LHX2: variants seen among roughly 807,000 people sequenced by gnomAD.
The protein encoded by LHX2 is LIM/homeobox protein Lhx2.
In LHX2, 6 loss-of-function variants were observed where a neutral mutation model predicts 33.0. The ratio of observed to expected loss-of-function variants is 0.18; its 90% CI spans 0.10 to 0.36. The LOEUF (loss-of-function observed/expected upper bound fraction) is 0.36, where lower values mean the gene tolerates loss of function less well. Ranked by LOEUF, LHX2 falls within the 10% of genes least tolerant of loss-of-function variation. The pLI, the probability that LHX2 is intolerant of heterozygous loss-of-function variation, is 1.00. For synonymous variants in LHX2, 292 were observed against 253.1 expected, an observed-to-expected ratio of 1.15 and a Z score of -1.46; for missense variants, 442 against 586.2, an observed-to-expected ratio of 0.75 and a Z score of 2.54.
rs1003758703 is a variant in LHX2, at chr9:124,016,710, G to A, written c.727+1185G>A. Among the ~76,000 whole-genome samples, 1 of 152,188 alleles carries A rather than the reference G, an allele frequency of 6.6e-6. No individual in the cohort carries two copies. The highest frequency in any genetic ancestry group is 1.5e-5 in the Non-Finnish European group (1 of 68,032). On this transcript the variant is annotated intron_variant, in intron 3 of 4. Coordinates refer to ENST00000373615, the MANE Select transcript of LHX2 (RefSeq NM_004789.4). This position sits in a 1 kb window ranked among gnomAD's most constrained non-coding sequence, Gnocchi z 4.4. ...GATCATGGGGCGTGTGTCCCTGTGT[G>A]CGGAACTGGGAGGAAAACGCAGCCC...
intron 4 of LHX2, among the ~76,000 whole-genome samples, chr9:124,022,398 A>G (rs764409818): frequency 6.6e-6 from 1 of 152,248 alleles, no homozygotes; most frequent in Non-Finnish European, 1.5e-5. Context: ...GGTAGTGGAC[A>G]TCAGTTTCCC....
Position 124,014,251 on chromosome 9 carries a change from T to C in LHX2, c.323+88T>C. ...GTTTGGCCCTCTCCTTTCCGTTTAG[T>C]CCCAGGAGAGGGTTCACTACTCAGG... On this transcript the variant is annotated intron_variant, in intron 2 of 4. Transcript: ENST00000373615. The surrounding 1 kb of genome is among the most constrained non-coding windows in gnomAD (Gnocchi z 4.8). The C allele has an allele frequency of 1.2e-6, 1 of 814,420 alleles. No individual in the cohort carries two copies. The highest frequency in any genetic ancestry group is 2.7e-5 in the East Asian group (1 of 37,306). 50.4% of individuals were successfully genotyped at this position (814,420 alleles called of 1,614,324 possible).
chr9:124,030,398 T>C (rs78114721), intron 4 of LHX2, among the ~76,000 whole-genome samples: 2,400 of 152,210 alleles, frequency 0.016, 65 homozygotes, highest in African/African-American at 0.054. Flanking sequence ...CTTTGTTTTA[T>C]GGGGAGGCTT....
intron 4 of LHX2, among the ~76,000 whole-genome samples, chr9:124,029,053 A>G (rs1332148776): frequency 6.6e-6 from 1 of 152,196 alleles, no homozygotes; most frequent in Admixed American, 6.5e-5. Context: ...CAGAGGTTGA[A>G]ATGAGCTGAG....
chr9:124,029,122 A>AATC (rs1170749250), intron 4 of LHX2, among the ~76,000 whole-genome samples: 1 of 151,752 alleles, frequency 6.6e-6, no homozygotes, highest in African/African-American at 2.4e-5. Flanking sequence ...AAAAAATAAT[A>AATC]ATAATAATAA....
Position 124,012,333 on chromosome 9 carries a change from C to G in LHX2, c.-16C>G, listed in dbSNP as rs1859106208. On this transcript the variant is annotated 5_prime_UTR_variant, in exon 1 of 5. Coordinates refer to ENST00000373615, the MANE Select transcript of LHX2 (RefSeq NM_004789.4). The surrounding 1 kb of genome is among the most constrained non-coding windows in gnomAD (Gnocchi z 4.3). ...CTCGGAGGAGCCGCGCCCCCGGCCCCGCCGGTCCCGCCGCGATGCTGTTCC... is the reference window on the plus strand; with the variant it reads ...CTCGGAGGAGCCGCGCCCCCGGCCCGGCCGGTCCCGCCGCGATGCTGTTCC... 1 of 1,490,832 alleles carries G rather than the reference C, an allele frequency of 6.7e-7. No homozygotes were observed. 92.4% of individuals were successfully genotyped at this position (1,490,832 alleles called of 1,614,324 possible). A position where few individuals can be genotyped will look rare whatever the true frequency, so the allele number is the denominator to read the frequency against.
chr9:124,018,544 C>T (rs568857023), intron 3 of LHX2, among the ~76,000 whole-genome samples: 1 of 152,164 alleles, frequency 6.6e-6, no homozygotes, highest in East Asian at 1.9e-4. Flanking sequence ...TTTCTCTACT[C>T]CCCCGCCAAT....
Position 124,031,305 on chromosome 9 carries a change from C to A in LHX2, c.934-1115C>A, listed in dbSNP as rs12341610. 6.3e-3 allele frequency among the ~76,000 whole-genome samples: 960 copies of A among 152,328 alleles called. 12 individuals carry two copies. The highest frequency in any genetic ancestry group is 0.022 in the African/African-American group (907 of 41,562). The stretch of plus-strand genomic sequence containing the variant: ...GGGATAGGTTCCGTGTCTTTCACTT[C>A]CTCTTAGTAACTCATTATTATTGCC... On this transcript the variant is annotated intron_variant, in intron 4 of 4. Transcript: ENST00000373615.
intron 4 of LHX2, among the ~76,000 whole-genome samples, chr9:124,030,428 C>T (rs558778269): frequency 6.6e-5 from 10 of 152,250 alleles, no homozygotes; most frequent in African/African-American, 1.2e-4. Flanking sequence ...GTTTTCCTCA[C>T]GCAAAGGGAA....
chr9:124,015,401 G>A lies in LHX2; in HGVS notation c.603G>A (p.Leu201=), dbSNP rs201206386. Residue 201 remains leucine (L), a synonymous_variant, in exon 3 of 5, where the codon CTG becomes CTA. Coordinates refer to ENST00000373615, the MANE Select transcript of LHX2 (RefSeq NM_004789.4). This position sits in a 1 kb window ranked among gnomAD's most constrained non-coding sequence, Gnocchi z 7.9. The part of the protein sequence containing the change: ...AAAAAAKSAG[L]GAAGANPLGL... The stretch of plus-strand genomic sequence containing the variant: ...CCGCGGCGGCCAAGAGCGCGGGGCT[G>A]GGCGCAGCAGGGGCCAACCCTCTGG... 7.2e-5 allele frequency: 116 copies of A among 1,606,622 alleles called. No individual in the cohort carries two copies. The highest frequency in any genetic ancestry group is 4.7e-4 in the East Asian group (21 of 44,706).
rs978891551 is a variant in LHX2 at position 124,014,291 on chromosome 9, C to G, written c.323+128C>G. On this transcript the variant is annotated intron_variant, in intron 2 of 4. Coordinates refer to ENST00000373615, the MANE Select transcript of LHX2 (RefSeq NM_004789.4). The surrounding 1 kb of genome is among the most constrained non-coding windows in gnomAD (Gnocchi z 4.8). ...CACTACTCAGGACTCCCCCGCTCCC[C>G]CCCCAAGTTCTCCAAGCCACCACAA... 1.6e-6 allele frequency: 1 copy of G among 623,892 alleles called. No homozygotes were observed. The highest frequency in any genetic ancestry group is 2.8e-5 in the East Asian group (1 of 35,112). The allele number at this position is 623,892 out of a possible 1,614,324, so 38.6% of individuals were successfully genotyped here.
rs1859164958 is a variant in LHX2, at chr9:124,015,287, C to T, written c.489C>T (p.Val163=). The T allele has an allele frequency of 1.2e-6, 2 of 1,614,042 alleles. No individual in the cohort carries two copies. The highest frequency in any genetic ancestry group is 1.3e-5 in the African/African-American group (1 of 74,958). ...GDHFGMKDSL[V]YCRLHFEALL... ...ACTTCGGCATGAAGGACAGCCTGGTCTACTGCCGCTTGCACTTCGAGGCGC... is the reference window on the plus strand; with the variant it reads ...ACTTCGGCATGAAGGACAGCCTGGTTTACTGCCGCTTGCACTTCGAGGCGC... Residue 163 remains valine (V), a synonymous_variant, in exon 3 of 5, where the codon GTC becomes GTT. Transcript: ENST00000373615. This position sits in a 1 kb window ranked among gnomAD's most constrained non-coding sequence, Gnocchi z 7.9.
At position 124,012,581 on chromosome 9, in the gene LHX2, C is replaced by T. The variant is rs116289924; in HGVS notation, c.120+113C>T. 1,436 of 1,238,854 alleles carry T rather than the reference C, an allele frequency of 1.2e-3. 16 individuals are homozygous for T. In the African/African-American group the frequency reaches 0.02, roughly 18 times the overall value. The allele number at this position is 1,238,854 out of a possible 1,614,324, so 76.7% of individuals were successfully genotyped here. On this transcript the variant is annotated intron_variant, in intron 1 of 4. Transcript: ENST00000373615. The surrounding 1 kb of genome is among the most constrained non-coding windows in gnomAD (Gnocchi z 4.3). ...CCTTCGTGCCGCACGGGACTGGGTGCTGGGGATCCTCGGTCAGAATGCAAG... is the reference window on the plus strand; with the variant it reads ...CCTTCGTGCCGCACGGGACTGGGTGTTGGGGATCCTCGGTCAGAATGCAAG...
chr9:124,028,285 C>A (rs1476798222), intron 4 of LHX2, among the ~76,000 whole-genome samples: 1 of 152,182 alleles, frequency 6.6e-6, no homozygotes, highest in Non-Finnish European at 1.5e-5. Context: ...CTACCGCGCA[C>A]CAGGCTGGGG....
intron 4 of LHX2, among the ~76,000 whole-genome samples, chr9:124,023,984 A>G (rs767765874): frequency 2.0e-5 from 3 of 152,186 alleles, no homozygotes; most frequent in Admixed American, 1.3e-4. Context: ...CAGAGGCCCA[A>G]ATGATCTCCA....
chr9:124,029,093 C>T (rs1291450193), intron 4 of LHX2, among the ~76,000 whole-genome samples: 1 of 151,926 alleles, frequency 6.6e-6, no homozygotes, highest in Non-Finnish European at 1.5e-5. Context: ...GCCTGGGTGA[C>T]AGAGCAAGAC....
rs1408593813 is a variant in LHX2, at chr9:124,016,943, C to T, written c.727+1418C>T. Among the ~76,000 whole-genome samples the T allele has an allele frequency of 2.0e-5, 3 of 152,208 alleles. No homozygotes were observed. Among genetic ancestry groups the T allele is most frequent in the African/African-American group, 7.2e-5 (3 of 41,446 alleles). ...AAGTGGGTCAACTTCCACTCGGAAG[C>T]ACCTCGCGGGGCTCGGCTCCAGGGC... On this transcript the variant is annotated intron_variant, in intron 3 of 4. Transcript: ENST00000373615. This position sits in a 1 kb window ranked among gnomAD's most constrained non-coding sequence, Gnocchi z 4.4.
chr9:124,029,081 C>T (rs1033387289), intron 4 of LHX2, among the ~76,000 whole-genome samples: 2 of 152,050 alleles, frequency 1.3e-5, no homozygotes, highest in African/African-American at 4.8e-5. Flanking sequence ...CACTGCACTC[C>T]AGCCTGGGTG....
rs1859183328 is a variant in LHX2, at chr9:124,015,994, ACCT to A, written c.727+471_727+473del. On this transcript the variant is annotated intron_variant, in intron 3 of 4. Coordinates refer to ENST00000373615, the MANE Select transcript of LHX2 (RefSeq NM_004789.4). This position sits in a 1 kb window ranked among gnomAD's most constrained non-coding sequence, Gnocchi z 7.9. ...CGAGCTCGGCCTGGAGTGCGGCCTGACCTCGTGAAATGTCCCAAGGGCGGCAGG... is the reference window on the plus strand; with the variant it reads ...CGAGCTCGGCCTGGAGTGCGGCCTGACGTGAAATGTCCCAAGGGCGGCAGG... 6.6e-6 allele frequency among the ~76,000 whole-genome samples: 1 copy of A among 152,196 alleles called. No homozygotes were observed. The highest frequency in any genetic ancestry group is 2.1e-4 in the South Asian group (1 of 4,822).
Sources: allele counts gnomAD v4.1 joint callset (sites outside exome capture counted in the v4.1 genomes callset), GRCh38; gene constraint gnomAD v4.1.1; non-coding constraint Gnocchi (gnomAD v3.1); transcripts MANE v1.5; gene names NCBI Gene and HGNC (gene_info 2026-07-23, HGNC 2026-07-21).